CYFIP2: variants seen among roughly 807,000 people sequenced by gnomAD.
CYFIP2 encodes cytoplasmic FMR1 interacting protein 2, also known as cytoplasmic FMR1-interacting protein 2.
In CYFIP2, 29 loss-of-function variants were observed where a neutral mutation model predicts 158.7. The ratio of observed to expected loss-of-function variants is 0.18; its 90% confidence interval spans 0.14 to 0.25. The LOEUF is 0.25. Ranked by LOEUF, CYFIP2 falls within the 10% of genes least tolerant of loss-of-function variation. CYFIP2 has a pLI of 1.00. For missense variants in CYFIP2, 852 were observed against 1,639.5 expected (o/e 0.52, Z 8.29); for synonymous variants, 585 against 617.6 (o/e 0.95, Z 0.78).
intron 1 of CYFIP2, among the ~76,000 whole-genome samples, chr5:157,274,238 C>T (rs764015427): frequency 2.6e-5 from 4 of 151,904 alleles, no homozygotes; most frequent in African/African-American, 7.3e-5. Flanking sequence ...AAAAAGAAAT[C>T]TCATGGCCTT....
At position 157,266,725 on chromosome 5, in the gene CYFIP2, C is replaced by G. The variant is rs923155980; in HGVS notation, c.-24+530C>G. On this transcript the variant is annotated intron_variant, in intron 1 of 30. Coordinates refer to ENST00000620254, the MANE Select transcript of CYFIP2 (RefSeq NM_001037333.3). This position sits in a 1 kb window ranked among gnomAD's most constrained non-coding sequence, Gnocchi z 4.2. ...ATGGGTGGGGCGAGGGGCGCAGCGT[C>G]GATGTTTGGGGGCGGAGGGCTTTGA... The G allele has an allele frequency of 6.6e-6, 1 of 152,412 alleles. No individual in the cohort carries two copies. Among genetic ancestry groups the G allele is most frequent in the Non-Finnish European group, 1.5e-5 (1 of 68,242 alleles). The allele number at this position is 152,412 out of a possible 1,614,324, so 9.4% of individuals were successfully genotyped here.
intron 9 of CYFIP2, among the ~76,000 whole-genome samples, chr5:157,309,010 G>C (rs944890224): frequency 6.6e-6 from 1 of 152,170 alleles, no homozygotes; most frequent in Admixed American, 6.5e-5. Flanking sequence ...ATTCAGTGGG[G>C]TTACATAGAT....
Position 157,395,351 on chromosome 5 carries a change from C to T in CYFIP2, c.*2351C>T. 3 of 293,350 alleles carry T rather than the reference C, an allele frequency of 1.0e-5. No homozygotes were observed. The highest frequency in any genetic ancestry group is 2.0e-5 in the Non-Finnish European group (3 of 152,632). The allele number at this position is 293,350 out of a possible 1,614,324, so 18.2% of individuals were successfully genotyped here. ...GGTTTTAAAAAGTTTTAAAAATAATCTGTTTCAGAAACTGTCAAATGTACC... is the reference window on the plus strand; with the variant it reads ...GGTTTTAAAAAGTTTTAAAAATAATTTGTTTCAGAAACTGTCAAATGTACC... On this transcript the variant is annotated 3_prime_UTR_variant, in exon 31 of 31. Transcript: ENST00000620254.
chr5:157,373,536 G>A (rs1385737774), intron 26 of CYFIP2, among the ~76,000 whole-genome samples: 2 of 152,182 alleles, frequency 1.3e-5, no homozygotes, highest in African/African-American at 2.4e-5. Flanking sequence ...CATGCTCTGA[G>A]AGCTGGTACT....
chr5:157,287,198 A>G (rs17655440), intron 3 of CYFIP2, 90 bp downstream of exon 3: 23,215 of 967,714 alleles, frequency 0.024, 582 homozygotes, highest in Admixed American at 0.1. Context: ...GCATGTGCTC[A>G]GCTACTCTAA....
At chr5:157,377,002 TGGGCA>T (rs546450311) in intron 26 of CYFIP2, 645 of 404,986 alleles carry the variant, frequency 1.6e-3, no homozygotes, top group Admixed American at 3.2e-3. Context: ...ACAGGTGCCC[TGGGCA>T]GGGGTCCTTT....
At chr5:157,310,239 G>A (rs1214536935) in intron 10 of CYFIP2, among the ~76,000 whole-genome samples, 1 of 152,184 alleles carries the variant, frequency 6.6e-6, no homozygotes, top group African/African-American at 2.4e-5. Flanking sequence ...GACGTGAATT[G>A]GGTGGGCAGC....
chr5:157,338,888 A>G (rs1200576597), intron 21 of CYFIP2, among the ~76,000 whole-genome samples, 169 bp from the exon 22 acceptor site: 1 of 152,202 alleles, frequency 6.6e-6, no homozygotes, highest in East Asian at 1.9e-4. Flanking sequence ...TCCACTTCTC[A>G]GAAGGGAACC....
At chr5:157,301,106 TAG>T (rs1441955962) in intron 6 of CYFIP2, among the ~76,000 whole-genome samples, 1 of 152,206 alleles carries the variant, frequency 6.6e-6, no homozygotes, top group Non-Finnish European at 1.5e-5. Context: ...TTGATCTTTG[TAG>T]AGTTTTATAT....
intron 5 of CYFIP2, among the ~76,000 whole-genome samples, chr5:157,297,390 T>G (rs1223254803): frequency 6.6e-6 from 1 of 152,222 alleles, no homozygotes; most frequent in Non-Finnish European, 1.5e-5. Context: ...AACTGTGTGT[T>G]TGTGAGTTAT....
chr5:157,360,165 G>A (rs373295837), intron 24 of CYFIP2, 117 bp from the exon 25 acceptor site: 11 of 761,468 alleles, frequency 1.4e-5, no homozygotes, highest in South Asian at 9.9e-5. Flanking sequence ...AGGTCAAAGG[G>A]ACTGTTCCCC....
chr5:157,305,352 A>C (rs890806255), intron 8 of CYFIP2, among the ~76,000 whole-genome samples: 2 of 152,222 alleles, frequency 1.3e-5, no homozygotes, highest in Non-Finnish European at 2.9e-5. Context: ...TAAATCTTCA[A>C]GCTTTTGCTA....
rs80039259 is a variant in CYFIP2, at chr5:157,281,373, A to C, written c.-23-3966A>C. On this transcript the variant is annotated intron_variant, in intron 1 of 30. Transcript: ENST00000620254. ...TATTATCATTTTTCTGTTAAAAAGG[A>C]AAAAAATACTTTTATGGAAAGAAAC... Among the ~76,000 whole-genome samples, 2,275 of 152,292 alleles carry C rather than the reference A, an allele frequency of 0.015. 134 individuals carry two copies. In the East Asian group the frequency reaches 0.18, roughly 12 times the overall value.
At chr5:157,330,335 A>G (rs1038839552) in intron 19 of CYFIP2, among the ~76,000 whole-genome samples, 4 of 151,300 alleles carry the variant, frequency 2.6e-5, no homozygotes, top group Non-Finnish European at 4.4e-5. Context: ...ACTGTTACCT[A>G]TTATCTGAAA....
chr5:157,269,152 A>G (rs1372545687), intron 1 of CYFIP2, among the ~76,000 whole-genome samples: 1 of 152,096 alleles, frequency 6.6e-6, no homozygotes. Flanking sequence ...CTCTGTGACC[A>G]GTAAACCCAG....
Position 157,307,796 on chromosome 5 carries a change from T to C in CYFIP2, c.831T>C (p.Asn277=), listed in dbSNP as rs1759371858. 2 of 1,611,832 alleles carry C rather than the reference T, an allele frequency of 1.2e-6. No homozygotes were observed. The highest frequency in any genetic ancestry group is 2.7e-5 in the African/African-American group (2 of 74,876). The change falls in exon 9 of 31, where the codon AAT becomes AAC. Residue 277 remains asparagine (N), a synonymous_variant. Transcript: ENST00000620254. Reference sequence around the variant, plus strand: ...TTGGCCTCTACCTAATGGATGGAAATGTCAGTAACATTTACAAACTGGATG... The same window carrying C: ...TTGGCCTCTACCTAATGGATGGAAACGTCAGTAACATTTACAAACTGGATG... ...MGFGLYLMDG[N]VSNIYKLDAK...
At position 157,383,546 on chromosome 5, in the gene CYFIP2, C is replaced by A. The variant is rs1581196689; in HGVS notation, c.3207+187C>A. The A allele has an allele frequency of 3.8e-5, 21 of 556,940 alleles. No individual in the cohort carries two copies. In the East Asian group the frequency reaches 6.2e-4, roughly 17 times the overall value. 34.5% of individuals were successfully genotyped at this position (556,940 alleles called of 1,614,324 possible). A position where few individuals can be genotyped will look rare whatever the true frequency, so the allele number is the denominator to read the frequency against. On this transcript the variant is annotated intron_variant, in intron 28 of 30. Coordinates refer to ENST00000620254, the MANE Select transcript of CYFIP2 (RefSeq NM_001037333.3). ...GGAATGAGATTTGCTGACTCTCAGGCCTGAGTGTTTCTTCTGTAGCCTGTA... is the reference window on the plus strand; with the variant it reads ...GGAATGAGATTTGCTGACTCTCAGGACTGAGTGTTTCTTCTGTAGCCTGTA...
intron 8 of CYFIP2, among the ~76,000 whole-genome samples, chr5:157,306,424 G>T (rs889837141): frequency 1.3e-5 from 2 of 152,068 alleles, no homozygotes; most frequent in African/African-American, 4.8e-5. Flanking sequence ...AAATTCTCCA[G>T]CCCCCCATAC....
intron 26 of CYFIP2, 77 bp from the exon 27 acceptor site, chr5:157,382,513 T>A: frequency 6.6e-7 from 1 of 1,506,906 alleles, no homozygotes; most frequent in Non-Finnish European, 9.1e-7. Flanking sequence ...ACTCCAGTGC[T>A]CAGGTTTTTA....
Sources: allele counts gnomAD v4.1 joint callset (sites outside exome capture counted in the v4.1 genomes callset), GRCh38; gene constraint gnomAD v4.1.1; non-coding constraint Gnocchi (gnomAD v3.1); transcripts MANE v1.5; gene names NCBI Gene and HGNC (gene_info 2026-07-23, HGNC 2026-07-21).